The following NR5A2 variants were observed in gnomAD, a reference collection of about 807,000 sequenced individuals.
The protein encoded by NR5A2 is nuclear receptor subfamily 5 group A member 2, also known as CYP7A promoter-binding factor.
In NR5A2, 26 loss-of-function variants were observed where a neutral mutation model predicts 62.7. That is an observed-to-expected ratio of 0.41 (90% CI 0.30 to 0.58). The LOEUF is 0.58. Ranked by LOEUF, NR5A2 falls within the 20% of genes least tolerant of loss-of-function variation. The probability of loss-of-function intolerance (pLI) is 0.22; values close to 1 mark genes in which losing one functional copy is unlikely to be tolerated. For synonymous variants in NR5A2, 246 were observed against 241.7 expected (o/e 1.02, Z -0.16); for missense variants, 541 against 669.1 (o/e 0.81, Z 2.11).
chr1:200,073,521 G>A (rs922279536), intron 5 of NR5A2, among the ~76,000 whole-genome samples: 2 of 151,612 alleles, frequency 1.3e-5, no homozygotes, highest in Non-Finnish European at 2.9e-5. Flanking sequence ...TAATACCTAA[G>A]AGAGTATAAG....
At chr1:200,171,367 C>A (rs1214858019) in intron 7 of NR5A2, among the ~76,000 whole-genome samples, 1 of 152,124 alleles carries the variant, frequency 6.6e-6, no homozygotes, top group Admixed American at 6.5e-5. Context: ...TATGAGACAC[C>A]TATATATTTT....
intron 1 of NR5A2, among the ~76,000 whole-genome samples, chr1:200,028,568 G>C (rs1230889789): frequency 2.0e-5 from 3 of 152,008 alleles, no homozygotes; most frequent in African/African-American, 7.3e-5. Context: ...AAAAAATAGA[G>C]TTACAAACTT....
chr1:200,124,959 C>T lies in NR5A2; in HGVS notation c.1378+4004C>T, dbSNP rs935126110. Reference sequence around the variant, plus strand: ...TTGAAACTTAAAGCGAAGCCTTTACCGAAGCAACTCGTGATAGGTAATAGG... The same window carrying T: ...TTGAAACTTAAAGCGAAGCCTTTACTGAAGCAACTCGTGATAGGTAATAGG... On this transcript the variant is annotated intron_variant, in intron 7 of 7. Coordinates refer to ENST00000367362, the MANE Select transcript of NR5A2 (RefSeq NM_205860.3). 7.9e-5 allele frequency among the ~76,000 whole-genome samples: 12 copies of T among 151,590 alleles called. No individual in the cohort carries two copies. In the East Asian group the frequency reaches 1.3e-3, roughly 17 times the overall value.
At chr1:200,060,578 C>G (rs1211006623) in intron 5 of NR5A2, among the ~76,000 whole-genome samples, 1 of 152,130 alleles carries the variant, frequency 6.6e-6, no homozygotes, top group African/African-American at 2.4e-5. Flanking sequence ...ATTTGAAAAT[C>G]CCTGCTTTTC....
intron 7 of NR5A2, among the ~76,000 whole-genome samples, chr1:200,160,831 C>T (rs1203705994): frequency 6.6e-6 from 1 of 151,830 alleles, no homozygotes; most frequent in African/African-American, 2.4e-5. Context: ...CATATGATAA[C>T]GTTGGTTTAT....
At position 200,173,376 on chromosome 1, in the gene NR5A2, G is replaced by A. The variant is rs114558738; in HGVS notation, c.1379-587G>A. 1.0e-3 allele frequency among the ~76,000 whole-genome samples: 158 copies of A among 152,342 alleles called. 1 individual carries two copies. In the Middle Eastern group the frequency reaches 0.014, roughly 13 times the overall value. ...TAGTCACCAAGATATATATTTTAGA[G>A]AGTTCCCAGTAGCGAATATTCTGTT... On this transcript the variant is annotated intron_variant, in intron 7 of 7. Coordinates refer to ENST00000367362, the MANE Select transcript of NR5A2 (RefSeq NM_205860.3).
chr1:200,096,088 T>G (rs1291655698), intron 5 of NR5A2, among the ~76,000 whole-genome samples: 1 of 151,944 alleles, frequency 6.6e-6, no homozygotes, highest in African/African-American at 2.4e-5. Context: ...ACAATGCTGC[T>G]TTATTTTGTT....
At chr1:200,153,093 A>ATT (rs1457433872) in intron 7 of NR5A2, among the ~76,000 whole-genome samples, 9 of 152,194 alleles carry the variant, frequency 5.9e-5, no homozygotes, top group Non-Finnish European at 1.3e-4. Context: ...GCTTTCGTTT[A>ATT]TTCCTTTTGC....
chr1:200,143,726 C>T (rs2102349394), intron 7 of NR5A2, among the ~76,000 whole-genome samples: 1 of 151,058 alleles, frequency 6.6e-6, no homozygotes, highest in East Asian at 1.9e-4. Flanking sequence ...CCTGCAACCT[C>T]CGCCTCCCGA....
At chr1:200,055,271 C>G (rs1296050092) in intron 5 of NR5A2, among the ~76,000 whole-genome samples, 2 of 151,932 alleles carry the variant, frequency 1.3e-5, no homozygotes, top group African/African-American at 4.8e-5. Flanking sequence ...TCTCAGCTCA[C>G]TGCAACCTCC....
At chr1:200,148,229 C>T (rs1436354909) in intron 7 of NR5A2, 3 of 229,038 alleles carry the variant, frequency 1.3e-5, no homozygotes, top group Admixed American at 1.2e-4. Flanking sequence ...GACTCCACAG[C>T]GGCAGCATCC....
Position 200,176,002 on chromosome 1 carries a change from T to C in NR5A2, c.*1792T>C, listed in dbSNP as rs1654402771. On this transcript the variant is annotated 3_prime_UTR_variant, in exon 8 of 8. Coordinates refer to ENST00000367362, the MANE Select transcript of NR5A2 (RefSeq NM_205860.3). ...CCTTTGTATAAGATATAGCCAAGAC[T>C]GAAGAAACCAAATATATGTGTTTAC... is the stretch of plus-strand genomic sequence containing the variant. 1.3e-5 allele frequency: 2 copies of C among 152,674 alleles called. No individual in the cohort carries two copies. Among genetic ancestry groups the C allele is most frequent in the Admixed American group, 1.3e-4 (2 of 15,292 alleles). 9.5% of individuals were successfully genotyped at this position (152,674 alleles called of 1,614,324 possible). A position where few individuals can be genotyped will look rare whatever the true frequency, so the allele number is the denominator to read the frequency against.
intron 4 of NR5A2, among the ~76,000 whole-genome samples, chr1:200,046,375 C>A (rs1662363654): frequency 6.6e-6 from 1 of 152,172 alleles, no homozygotes; most frequent in African/African-American, 2.4e-5. Flanking sequence ...TTGCTGCTTT[C>A]TAGCCTCTGA....
At chr1:200,070,135 T>C (rs2251489) in intron 5 of NR5A2, among the ~76,000 whole-genome samples, 75,205 of 151,968 alleles carry the variant, frequency 0.49, 18,667 homozygotes, top group African/African-American at 0.54. Flanking sequence ...TAGTTTTGTA[T>C]ACAGTTGGTT....
intron 7 of NR5A2, among the ~76,000 whole-genome samples, chr1:200,140,329 A>C (rs1438738673): frequency 6.6e-6 from 1 of 152,166 alleles, no homozygotes; most frequent in Non-Finnish European, 1.5e-5. Flanking sequence ...CTCTCGCCTC[A>C]GCCTCCCAAA....
intron 7 of NR5A2, among the ~76,000 whole-genome samples, chr1:200,172,583 G>C (rs887306607): frequency 6.6e-6 from 1 of 152,184 alleles, no homozygotes; most frequent in Admixed American, 6.5e-5. Flanking sequence ...ATTTGGGTCA[G>C]AGACTTGGGG....
At position 200,042,738 on chromosome 1, in the gene NR5A2, C is replaced by T. The variant is rs375290360; in HGVS notation, c.203-1036C>T. On this transcript the variant is annotated intron_variant, in intron 2 of 7. Coordinates refer to ENST00000367362, the MANE Select transcript of NR5A2 (RefSeq NM_205860.3). ...CCCGCCCACCCGCGCCCCGCGCTCC[C>T]ATACTTGACCTGTGTGGATGTGGAG... 1.5e-5 allele frequency: 14 copies of T among 921,236 alleles called. No individual in the cohort carries two copies. The African/African-American group carries it at 2.5e-4, about 16-fold the overall frequency. The allele number at this position is 921,236 out of a possible 1,614,324, so 57.1% of individuals were successfully genotyped here. A position where few individuals can be genotyped will look rare whatever the true frequency, so the allele number is the denominator to read the frequency against.
At chr1:200,067,365 T>C (rs1217343327) in intron 5 of NR5A2, among the ~76,000 whole-genome samples, 6 of 152,216 alleles carry the variant, frequency 3.9e-5, no homozygotes, top group Non-Finnish European at 8.8e-5. Context: ...AAGACCAGCC[T>C]AACCAACATG....
chr1:200,037,459 A>G (rs1295260768), intron 1 of NR5A2, among the ~76,000 whole-genome samples: 1 of 152,198 alleles, frequency 6.6e-6, no homozygotes, highest in East Asian at 1.9e-4. Flanking sequence ...AATTCTTCGC[A>G]TTGCTGTGGG....
Sources: allele counts gnomAD v4.1 joint callset (sites outside exome capture counted in the v4.1 genomes callset), GRCh38; gene constraint gnomAD v4.1.1; transcripts MANE v1.5; gene names NCBI Gene and HGNC (gene_info 2026-07-23, HGNC 2026-07-21).